MMP24: variants seen among roughly 807,000 people sequenced by gnomAD.
MMP24 encodes the protein matrix metalloproteinase-24.
Under a neutral mutation model 62.8 loss-of-function variants are expected in MMP24, and 25 were observed. The ratio of observed to expected loss-of-function variants is 0.40; its 90% CI spans 0.29 to 0.56. MMP24 has a LOEUF of 0.56. MMP24 is among the 20% of genes least tolerant of loss of function. The probability of loss-of-function intolerance (pLI) is 0.50; values close to 1 mark genes in which losing one functional copy is unlikely to be tolerated. For synonymous variants in MMP24, 319 were observed against 350.5 expected, an observed-to-expected ratio of 0.91 and a Z score of 1.00; for missense variants, 634 against 853.6, an observed-to-expected ratio of 0.74 and a Z score of 3.21.
intron 5 of MMP24, among the ~76,000 whole-genome samples, chr20:35,266,304 A>T (rs1210902546): frequency 3.4e-5 from 5 of 148,026 alleles, no homozygotes; most frequent in Middle Eastern, 3.5e-3. Context: ...GTGAGCTTAG[A>T]TCACGCCACT....
chr20:35,237,067 A>C (rs994053251), intron 1 of MMP24, among the ~76,000 whole-genome samples: 1 of 152,074 alleles, frequency 6.6e-6, no homozygotes, highest in Admixed American at 6.6e-5. Context: ...GTTCTTTCCA[A>C]GGAGTATGGG....
intron 2 of MMP24, among the ~76,000 whole-genome samples, chr20:35,248,306 C>T (rs79676967): frequency 2.2e-4 from 30 of 136,796 alleles, no homozygotes; most frequent in African/African-American, 4.5e-4. Flanking sequence ...TTCCCCCCCC[C>T]TTTTTTTTTT....
chr20:35,266,833 T>G lies in MMP24; in HGVS notation c.980-372T>G, dbSNP rs114178537. 1.0e-2 allele frequency among the ~76,000 whole-genome samples: 1,515 copies of G among 151,834 alleles called. 17 individuals carry two copies. The highest frequency in any genetic ancestry group is 0.035 in the African/African-American group (1,436 of 41,356). The stretch of plus-strand genomic sequence containing the variant: ...ATCTTGGCAGAGCAGTTGGAGTGGG[T>G]GACGGGTAGAAGCTGCACTGGGGTG... On this transcript the variant is annotated intron_variant, in intron 5 of 8. Transcript: ENST00000246186.
intron 1 of MMP24, among the ~76,000 whole-genome samples, chr20:35,228,114 G>C (rs1244792354): frequency 6.6e-6 from 1 of 152,196 alleles, no homozygotes; most frequent in Non-Finnish European, 1.5e-5. Flanking sequence ...CAGGCAGTCT[G>C]TTTGTTTAGA....
At chr20:35,257,436 G>A (rs575218541) in intron 4 of MMP24, among the ~76,000 whole-genome samples, 1 of 152,324 alleles carries the variant, frequency 6.6e-6, no homozygotes, top group East Asian at 1.9e-4. Flanking sequence ...GTGAGGAGAA[G>A]AGAACTAATA....
intron 5 of MMP24, 67 bp from the exon 6 acceptor site, chr20:35,267,138 T>C: frequency 1.5e-6 from 2 of 1,335,608 alleles, no homozygotes; most frequent in Non-Finnish European, 1.0e-6. Context: ...GCCTGGGTGA[T>C]GCTGAGACTG....
At chr20:35,258,318 A>G (rs1283738355) in intron 4 of MMP24, among the ~76,000 whole-genome samples, 2 of 152,212 alleles carry the variant, frequency 1.3e-5, no homozygotes, top group Non-Finnish European at 2.9e-5. Context: ...ATTTTTTAAA[A>G]TCTAATACCC....
At chr20:35,264,193 G>A (rs528070555) in intron 5 of MMP24, 1 of 343,126 alleles carries the variant, frequency 2.9e-6, no homozygotes, top group African/African-American at 2.1e-5. Context: ...ACAAAAGTGA[G>A]GTGAGGGCCA....
At chr20:35,242,054 T>C (rs1355272959) in intron 1 of MMP24, among the ~76,000 whole-genome samples, 5 of 152,138 alleles carry the variant, frequency 3.3e-5, no homozygotes, top group Admixed American at 3.3e-4. Flanking sequence ...TAAAACATAA[T>C]GTCTTGTGGC....
At chr20:35,260,608 C>T (rs762511606) in intron 4 of MMP24, among the ~76,000 whole-genome samples, 7 of 152,240 alleles carry the variant, frequency 4.6e-5, no homozygotes, top group Non-Finnish European at 7.3e-5. Context: ...TGGAGCTCAG[C>T]GATGAGCTCA....
At position 35,275,986 on chromosome 20, in the gene MMP24, C is replaced by T. The variant is rs1331769615; in HGVS notation, c.*1377C>T. ...GCAGCCCTGCTTGTCACTGAGGAGC[C>T]CTAGACAAGGCCAATGGGTTCATCA... On this transcript the variant is annotated 3_prime_UTR_variant, in exon 9 of 9. Coordinates refer to ENST00000246186, the MANE Select transcript of MMP24 (RefSeq NM_006690.4). 1 of 398,546 alleles carries T rather than the reference C, an allele frequency of 2.5e-6. No homozygotes were observed. The highest frequency in any genetic ancestry group is 1.3e-4 in the South Asian group (1 of 7,854). 24.7% of individuals were successfully genotyped at this position (398,546 alleles called of 1,614,324 possible).
At chr20:35,268,504 C>T (rs2060647951) in intron 6 of MMP24, among the ~76,000 whole-genome samples, 2 of 152,230 alleles carry the variant, frequency 1.3e-5, no homozygotes, top group South Asian at 4.1e-4. Context: ...GTCACCTGGC[C>T]TTTCTTAAGA....
At position 35,276,540 on chromosome 20, in the gene MMP24, C is replaced by G. The variant is rs2060708296; in HGVS notation, c.*1931C>G. ...CCCCATCTGTGGACCCCTCTAGGGT[C>G]TGAGATGAGATGAGAAGTGTCTCCT... On this transcript the variant is annotated 3_prime_UTR_variant, in exon 9 of 9. Transcript: ENST00000246186. 2.7e-6 allele frequency: 1 copy of G among 373,844 alleles called. No homozygotes were observed. 23.2% of individuals were successfully genotyped at this position (373,844 alleles called of 1,614,324 possible). A position where few individuals can be genotyped will look rare whatever the true frequency, so the allele number is the denominator to read the frequency against.
chr20:35,261,922 T>G (rs896689396), intron 4 of MMP24, among the ~76,000 whole-genome samples: 1 of 149,292 alleles, frequency 6.7e-6, no homozygotes, highest in Non-Finnish European at 1.5e-5. Flanking sequence ...TGCCTCTACC[T>G]CCGGAGTAGC....
At chr20:35,247,470 C>T (rs890335617) in intron 2 of MMP24, among the ~76,000 whole-genome samples, 3 of 152,118 alleles carry the variant, frequency 2.0e-5, no homozygotes, top group African/African-American at 7.2e-5. Context: ...GTGACAAATA[C>T]AGTCATCTAG....
At position 35,274,134 on chromosome 20, in the gene MMP24, C is replaced by T; in HGVS notation, c.1601-138C>T. 1 of 812,360 alleles carries T rather than the reference C, an allele frequency of 1.2e-6. No individual in the cohort carries two copies. Among genetic ancestry groups the T allele is most frequent in the Non-Finnish European group, 1.9e-6 (1 of 520,834 alleles). The allele number at this position is 812,360 out of a possible 1,614,324, so 50.3% of individuals were successfully genotyped here. A position where few individuals can be genotyped will look rare whatever the true frequency, so the allele number is the denominator to read the frequency against. On this transcript the variant is annotated intron_variant, in intron 8 of 8. Coordinates refer to ENST00000246186, the MANE Select transcript of MMP24 (RefSeq NM_006690.4). This position sits in a 1 kb window ranked among gnomAD's most constrained non-coding sequence, Gnocchi z 5.1. ...TGCAGCTTCTTACTCCATGACTCAG[C>T]CAAGCACTGCACCCCAAACCTCCAG...
intron 1 of MMP24, among the ~76,000 whole-genome samples, chr20:35,232,414 A>G (rs2060441743): frequency 6.6e-6 from 1 of 152,142 alleles, no homozygotes. Context: ...ATCCCCATCA[A>G]CTTCTTTGAA....
At chr20:35,254,156 G>A (rs59270155) in intron 3 of MMP24, among the ~76,000 whole-genome samples, 11,344 of 152,068 alleles carry the variant, frequency 0.075, 1,122 homozygotes, top group African/African-American at 0.23. Context: ...GGCGTGAACC[G>A]CTGCGCCCAG....
At chr20:35,254,865 C>T (rs1027630035) in intron 4 of MMP24, 111 bp downstream of exon 4, 2 of 1,238,262 alleles carry the variant, frequency 1.6e-6, no homozygotes, top group Admixed American at 5.0e-5. Context: ...TGTCCAAGAA[C>T]TAAGACCGTA....
Sources: allele counts gnomAD v4.1 joint callset (sites outside exome capture counted in the v4.1 genomes callset), GRCh38; gene constraint gnomAD v4.1.1; non-coding constraint Gnocchi (gnomAD v3.1); transcripts MANE v1.5; gene names NCBI Gene and HGNC (gene_info 2026-07-23, HGNC 2026-07-21).